Variants in ROCK2 observed in about 807,000 individuals in gnomAD.
ROCK2 encodes the protein Rho associated coiled-coil containing protein kinase 2, also known as rho-associated protein kinase 2.
In ROCK2, 61 loss-of-function variants were observed where a neutral mutation model predicts 195.1. The ratio of observed to expected loss-of-function variants is 0.31; its 90% confidence interval spans 0.25 to 0.39. ROCK2 has a LOEUF of 0.39. ROCK2 is among the 10% of genes least tolerant of loss of function. The pLI is 1.00. For missense variants in ROCK2, 1,109 were observed against 1,637.4 expected (o/e 0.68, Z 5.57); for synonymous variants, 504 against 545.5 (o/e 0.92, Z 1.06).
chr2:11,185,000 C>T lies in ROCK2; in HGVS notation c.4164-1560G>A, dbSNP rs527725967. On this transcript the variant is annotated intron_variant, in intron 32 of 32. Coordinates refer to ENST00000315872, the MANE Select transcript of ROCK2 (RefSeq NM_004850.5). ...ACACTTTCCAGATATTTGAAGACAGCGATCATATTTGGGATAATAAGAAAC... is the reference window on the plus strand; with the variant it reads ...ACACTTTCCAGATATTTGAAGACAGTGATCATATTTGGGATAATAAGAAAC... Among the ~76,000 whole-genome samples, 11 of 152,244 alleles carry T rather than the reference C, an allele frequency of 7.2e-5. No homozygotes were observed. The East Asian group carries it at 7.7e-4, about 11-fold the overall frequency.
At chr2:11,237,622 A>C (rs1665256655) in intron 4 of ROCK2, among the ~76,000 whole-genome samples, 2 of 152,252 alleles carry the variant, frequency 1.3e-5, no homozygotes, top group Non-Finnish European at 1.5e-5. Flanking sequence ...CAGCCAACAT[A>C]CTGAATATAA....
chr2:11,277,671 T>C (rs1333109311), intron 3 of ROCK2, among the ~76,000 whole-genome samples: 1 of 152,258 alleles, frequency 6.6e-6, no homozygotes, highest in Admixed American at 6.5e-5. Context: ...CATTCCTTTT[T>C]ATGGCTGAGT....
chr2:11,284,878 T>C (rs1232897067), intron 3 of ROCK2, among the ~76,000 whole-genome samples: 1 of 152,230 alleles, frequency 6.6e-6, no homozygotes, highest in African/African-American at 2.4e-5. Context: ...TTTTGGCTCA[T>C]CACCTAAAAT....
intron 1 of ROCK2, among the ~76,000 whole-genome samples, chr2:11,304,250 A>G (rs1667788993): frequency 6.6e-6 from 1 of 152,200 alleles, no homozygotes; most frequent in Non-Finnish European, 1.5e-5. Flanking sequence ...ATTTCAAACA[A>G]TAATGTCCAA....
intron 1 of ROCK2, among the ~76,000 whole-genome samples, chr2:11,317,441 G>A (rs567575621): frequency 1.3e-5 from 2 of 150,604 alleles, no homozygotes; most frequent in East Asian, 3.9e-4. Flanking sequence ...ATAAAACAGA[G>A]ATAATAACAT....
In ROCK2 at chr2:11,293,203, G is replaced by A. The variant is rs188339335; in HGVS notation, c.142-5467C>T. On this transcript the variant is annotated intron_variant, in intron 1 of 32. Coordinates refer to ENST00000315872, the MANE Select transcript of ROCK2 (RefSeq NM_004850.5). The stretch of plus-strand genomic sequence containing the variant: ...ACCTGGGTTACATCATCACGGTTCT[G>A]CCATTTAGTGGCAACTTAAATTGAG... Among the ~76,000 whole-genome samples, 138 of 152,318 alleles carry A rather than the reference G, an allele frequency of 9.1e-4. 1 individual carries two copies. Among genetic ancestry groups the A allele is most frequent in the Admixed American group, 3.9e-3 (59 of 15,298 alleles).
chr2:11,237,816 G>T (rs1665265776), intron 4 of ROCK2, among the ~76,000 whole-genome samples: 1 of 152,194 alleles, frequency 6.6e-6, no homozygotes, highest in Non-Finnish European at 1.5e-5. Context: ...AGTGGCTCAT[G>T]CCTGTAATCC....
intron 3 of ROCK2, among the ~76,000 whole-genome samples, chr2:11,261,135 T>C (rs1666212493): frequency 6.6e-6 from 1 of 152,240 alleles, no homozygotes; most frequent in Non-Finnish European, 1.5e-5. Flanking sequence ...GAATTTCACT[T>C]AAACTGCTTT....
chr2:11,287,986 T>C (rs1162139979), intron 1 of ROCK2, among the ~76,000 whole-genome samples: 3 of 152,202 alleles, frequency 2.0e-5, no homozygotes, highest in Admixed American at 6.5e-5. Flanking sequence ...TTTCAAAACA[T>C]GTATCTATTA....
At chr2:11,249,872 G>A in intron 3 of ROCK2, 74 bp from the exon 4 acceptor site, 1 of 1,205,284 alleles carries the variant, frequency 8.3e-7, no homozygotes, top group Non-Finnish European at 1.1e-6. Flanking sequence ...ATACTATAAT[G>A]CTATTATTAA....
chr2:11,307,914 G>T (rs369318439), intron 1 of ROCK2: 1 of 1,321,618 alleles, frequency 7.6e-7, no homozygotes, highest in Non-Finnish European at 9.9e-7. Context: ...GGTGGTGGCC[G>T]TAGCGGTCCT....
chr2:11,264,298 C>T (rs1217305804), intron 3 of ROCK2, among the ~76,000 whole-genome samples: 2 of 152,068 alleles, frequency 1.3e-5, no homozygotes, highest in East Asian at 3.9e-4. Flanking sequence ...GATGGAGTGG[C>T]CTGATGAAGG....
At position 11,284,033 on chromosome 2, in the gene ROCK2, T is replaced by TA. The variant is rs906869669; in HGVS notation, c.324+2505dup. Among the ~76,000 whole-genome samples, 5 of 152,174 alleles carry TA rather than the reference T, an allele frequency of 3.3e-5. No homozygotes were observed. The South Asian group carries it at 8.3e-4, about 25-fold the overall frequency. ...ATATGCCCTTCAGTAGGTGAATGGA[T>TA]AAACTTTGGTACAGCCAGACAACAG... On this transcript the variant is annotated intron_variant, in intron 3 of 32. Transcript: ENST00000315872.
In ROCK2 at chr2:11,344,423, C is replaced by A. The variant is rs1209720928; in HGVS notation, c.-287G>T. ...TTCGCGCCGCCGGTCCGCTGGTCCTCAGCGAGTGCCCGCAGGAGTCCTCGG... is the reference window on the plus strand; with the variant it reads ...TTCGCGCCGCCGGTCCGCTGGTCCTAAGCGAGTGCCCGCAGGAGTCCTCGG... On this transcript the variant is annotated 5_prime_UTR_variant, in exon 1 of 33. Transcript: ENST00000315872. The surrounding 1 kb of genome is among the most constrained non-coding windows in gnomAD (Gnocchi z 5.4). 1 of 1,065,960 alleles carries A rather than the reference C, an allele frequency of 9.4e-7. No homozygotes were observed. The highest frequency in any genetic ancestry group is 6.3e-5 in the East Asian group (1 of 15,826). 66.0% of individuals were successfully genotyped at this position (1,065,960 alleles called of 1,614,324 possible).
intron 3 of ROCK2, among the ~76,000 whole-genome samples, chr2:11,282,187 C>T (rs192787752): frequency 1.5e-3 from 233 of 152,036 alleles, no homozygotes; most frequent in African/African-American, 5.5e-3. Context: ...CCCATCTTTA[C>T]TAAAAATACA....
chr2:11,192,073 T>A lies in ROCK2; in HGVS notation c.4163+75A>T, dbSNP rs1485764348. 9.3e-6 allele frequency: 10 copies of A among 1,075,024 alleles called. No homozygotes were observed. The highest frequency in any genetic ancestry group is 1.4e-5 in the Non-Finnish European group (10 of 737,236). The allele number at this position is 1,075,024 out of a possible 1,614,324, so 66.6% of individuals were successfully genotyped here. A position where few individuals can be genotyped will look rare whatever the true frequency, so the allele number is the denominator to read the frequency against. On this transcript the variant is annotated intron_variant, in intron 32 of 32. Coordinates refer to ENST00000315872, the MANE Select transcript of ROCK2 (RefSeq NM_004850.5). The surrounding 1 kb of genome is among the most constrained non-coding windows in gnomAD (Gnocchi z 5.0). Reference sequence around the variant, plus strand: ...AGCAAAGGAAAACTAATTAGGAAAATTTGTAGTTTGAACATAAATAGCAAA... The same window carrying A: ...AGCAAAGGAAAACTAATTAGGAAAAATTGTAGTTTGAACATAAATAGCAAA...
rs1665175778 is a variant in ROCK2 at position 11,235,606 on chromosome 2, T to C, written c.723+96A>G. On this transcript the variant is annotated intron_variant, in intron 5 of 32. Coordinates refer to ENST00000315872, the MANE Select transcript of ROCK2 (RefSeq NM_004850.5). This position sits in a 1 kb window ranked among gnomAD's most constrained non-coding sequence, Gnocchi z 4.2. Reference sequence around the variant, plus strand: ...GTGCTATACAGTTATGAAAACTAAATTTACCTTTGTTCAAAACTATGAAGA... The same window carrying C: ...GTGCTATACAGTTATGAAAACTAAACTTACCTTTGTTCAAAACTATGAAGA... 1 of 1,348,272 alleles carries C rather than the reference T, an allele frequency of 7.4e-7. No individual in the cohort carries two copies. The highest frequency in any genetic ancestry group is 1.0e-6 in the Non-Finnish European group (1 of 984,162). 83.5% of individuals were successfully genotyped at this position (1,348,272 alleles called of 1,614,324 possible). A position where few individuals can be genotyped will look rare whatever the true frequency, so the allele number is the denominator to read the frequency against.
rs1056908055 is a variant in ROCK2 at position 11,197,826 on chromosome 2, G to C, written c.3100-121C>G. The C allele has an allele frequency of 1.9e-6, 1 of 523,390 alleles. No individual in the cohort carries two copies. Among genetic ancestry groups the C allele is most frequent in the Non-Finnish European group, 3.0e-6 (1 of 335,454 alleles). 32.4% of individuals were successfully genotyped at this position (523,390 alleles called of 1,614,324 possible). A position where few individuals can be genotyped will look rare whatever the true frequency, so the allele number is the denominator to read the frequency against. ...CAAATACTCTCCTTCCCTACATACA[G>C]GGCTACAAAGAAACACTTTCTATAA... is the stretch of plus-strand genomic sequence containing the variant. On this transcript the variant is annotated intron_variant, in intron 25 of 32. Transcript: ENST00000315872. The surrounding 1 kb of genome is among the most constrained non-coding windows in gnomAD (Gnocchi z 4.9).
rs370062822 is a variant in ROCK2, at chr2:11,243,093, TA to T, written c.462+6567del. 3.0e-4 allele frequency among the ~76,000 whole-genome samples: 46 copies of T among 152,112 alleles called. No homozygotes were observed. The East Asian group carries it at 7.2e-3, about 24-fold the overall frequency. Reference sequence around the variant, plus strand: ...AGCAAAGGGGCAGCCTAGTGGGGGATATAACAGCCAAAAAGGTTGAGGAGTC... The same window carrying T: ...AGCAAAGGGGCAGCCTAGTGGGGGATTAACAGCCAAAAAGGTTGAGGAGTC... On this transcript the variant is annotated intron_variant, in intron 4 of 32. Transcript: ENST00000315872.
Sources: gnomAD v4.1 joint callset for allele counts (sites outside exome capture counted in the v4.1 genomes callset) on GRCh38, gnomAD v4.1.1 for gene constraint, Gnocchi (gnomAD v3.1) non-coding constraint, MANE v1.5 for transcripts, NCBI Gene and HGNC (gene_info 2026-07-23, HGNC 2026-07-21) for gene names.